The following KLHL29 variants were observed in gnomAD, a reference collection of about 807,000 sequenced individuals.
The protein encoded by KLHL29 is kelch like family member 29.
KLHL29 carries 21 observed loss-of-function variants against 80.4 expected under a neutral mutation model. The ratio of observed to expected loss-of-function variants is 0.26; its 90% CI spans 0.19 to 0.38. The LOEUF is 0.38. Among genes scored for constraint, KLHL29 ranks in the 10% least tolerant of loss-of-function variants. The probability of loss-of-function intolerance (pLI) is 1.00; values close to 1 mark genes in which losing one functional copy is unlikely to be tolerated. For synonymous variants in KLHL29, 511 were observed against 526.8 expected (o/e 0.97, Z 0.41); for missense variants, 867 against 1,223.9 (o/e 0.71, Z 4.35).
chr2:23,628,368 G>A (rs1030253414), intron 3 of KLHL29, among the ~76,000 whole-genome samples: 15 of 152,054 alleles, frequency 9.9e-5, no homozygotes, highest in East Asian at 1.9e-4. Flanking sequence ...CTGGGGAGGC[G>A]CTGGGAAGGC....
intron 1 of KLHL29, among the ~76,000 whole-genome samples, chr2:23,414,356 G>A (rs779142816): frequency 2.0e-5 from 3 of 152,246 alleles, no homozygotes; most frequent in Admixed American, 6.5e-5. Flanking sequence ...GTGTTTGTGC[G>A]GCGGGGTGGG....
At chr2:23,466,163 C>T (rs777972819) in intron 1 of KLHL29, among the ~76,000 whole-genome samples, 4 of 152,092 alleles carry the variant, frequency 2.6e-5, no homozygotes, top group African/African-American at 4.8e-5. Context: ...CATTTCCGTC[C>T]GCTGGGGTAA....
intron 3 of KLHL29, among the ~76,000 whole-genome samples, chr2:23,605,491 GC>G (rs748276394): frequency 6.6e-6 from 1 of 152,068 alleles, no homozygotes; most frequent in Non-Finnish European, 1.5e-5. Flanking sequence ...ACAGAACACA[GC>G]CCCCGGCGCC....
At chr2:23,482,333 G>A (rs1254336324) in intron 2 of KLHL29, among the ~76,000 whole-genome samples, 3 of 152,190 alleles carry the variant, frequency 2.0e-5, no homozygotes, top group Admixed American at 2.0e-4. Context: ...TAAGAGGCCT[G>A]TCTCCTTGCT....
chr2:23,696,472 C>A lies in KLHL29; in HGVS notation c.2064C>A (p.Leu688=). ...SLVYDGKIYT[L]GGLGVAGNVD... is the part of the protein sequence containing the mutation. ...TCTACGATGGGAAGATTTACACCCT[C>A]GGGGGACTTGGCGTGGCAGGCAACG... The change falls in exon 11 of 14, where the codon CTC becomes CTA. Residue 688 remains leucine (L), a synonymous_variant. Transcript: ENST00000486442. This position sits in a 1 kb window ranked among gnomAD's most constrained non-coding sequence, Gnocchi z 5.5. 6.5e-7 allele frequency: 1 copy of A among 1,546,792 alleles called. No homozygotes were observed. Among genetic ancestry groups the A allele is most frequent in the Non-Finnish European group, 8.7e-7 (1 of 1,144,742 alleles).
At chr2:23,631,033 T>G (rs1311349297) in intron 3 of KLHL29, among the ~76,000 whole-genome samples, 1 of 152,138 alleles carries the variant, frequency 6.6e-6, no homozygotes. Context: ...CCACTTAAAG[T>G]ATTTACAGAT....
chr2:23,637,617 G>A (rs568754898), intron 3 of KLHL29, among the ~76,000 whole-genome samples: 3 of 152,290 alleles, frequency 2.0e-5, no homozygotes, highest in South Asian at 2.1e-4. Context: ...TACGGCTCCC[G>A]TTCCTCCAGC....
At chr2:23,549,137 T>A (rs1632574) in intron 2 of KLHL29, among the ~76,000 whole-genome samples, 126,684 of 152,206 alleles carry the variant, frequency 0.83, 53,009 homozygotes, top group African/African-American at 0.9. Context: ...ACCCTTGCTC[T>A]GAGTCAGGCA....
At chr2:23,577,268 G>T (rs988108900) in intron 3 of KLHL29, among the ~76,000 whole-genome samples, 1 of 152,176 alleles carries the variant, frequency 6.6e-6, no homozygotes, top group Admixed American at 6.5e-5. Context: ...TGGCCAACAT[G>T]GTGAAACCCC....
At position 23,680,595 on chromosome 2, in the gene KLHL29, C is replaced by G. The variant is rs558225292; in HGVS notation, c.941-3804C>G. Among the ~76,000 whole-genome samples the G allele has an allele frequency of 9.2e-5, 14 of 151,754 alleles. No individual in the cohort carries two copies. In the East Asian group the frequency reaches 2.7e-3, roughly 29 times the overall value. ...CAGGACTCCACTCGCCAGACCCCAC[C>G]GAGCCTCCATGCAGGGAGGGTCATG... On this transcript the variant is annotated intron_variant, in intron 5 of 13. Coordinates refer to ENST00000486442, the MANE Select transcript of KLHL29 (RefSeq NM_052920.2). The surrounding 1 kb of genome is among the most constrained non-coding windows in gnomAD (Gnocchi z 4.1).
intron 2 of KLHL29, among the ~76,000 whole-genome samples, chr2:23,527,703 C>T (rs181755773): frequency 9.8e-5 from 15 of 152,332 alleles, no homozygotes; most frequent in African/African-American, 3.6e-4. Flanking sequence ...ACAACCTCGC[C>T]ACATGGGTTG....
At chr2:23,532,656 G>T (rs1252819960) in intron 2 of KLHL29, 1 of 456,684 alleles carries the variant, frequency 2.2e-6, no homozygotes, top group Middle Eastern at 3.3e-4. Flanking sequence ...AGGCCTGGGC[G>T]GTGGGGAGCT....
At chr2:23,557,742 G>A (rs1667335015) in intron 2 of KLHL29, among the ~76,000 whole-genome samples, 1 of 152,134 alleles carries the variant, frequency 6.6e-6, no homozygotes, top group African/African-American at 2.4e-5. Flanking sequence ...GCCGCCCTCA[G>A]TGCGTACCCT....
intron 2 of KLHL29, among the ~76,000 whole-genome samples, chr2:23,520,999 C>CT (rs373540154): frequency 2.0e-5 from 3 of 147,834 alleles, no homozygotes; most frequent in Admixed American, 6.6e-5. Context: ...ACCACCCCCC[C>CT]CCCCGCTCCC....
rs1670084799 is a variant in KLHL29 at position 23,651,448 on chromosome 2, A to G, written c.940+8598A>G. Among the ~76,000 whole-genome samples the G allele has an allele frequency of 1.3e-5, 2 of 152,030 alleles. 1 individual carries two copies. Among genetic ancestry groups the G allele is most frequent in the African/African-American group, 4.8e-5 (2 of 41,398 alleles). On this transcript the variant is annotated intron_variant, in intron 5 of 13. Coordinates refer to ENST00000486442, the MANE Select transcript of KLHL29 (RefSeq NM_052920.2). Reference sequence around the variant, plus strand: ...TAATGCCTCAGACCAAGGTCTACACACAATGCCGGTGTGTATTCGTTTTTC... The same window carrying G: ...TAATGCCTCAGACCAAGGTCTACACGCAATGCCGGTGTGTATTCGTTTTTC...
chr2:23,460,475 G>C (rs531259239), intron 1 of KLHL29, among the ~76,000 whole-genome samples: 54 of 152,234 alleles, frequency 3.5e-4, no homozygotes, highest in Admixed American at 3.5e-3. Context: ...ATGCTGCTAA[G>C]CATCTTAAAA....
At chr2:23,517,053 G>A (rs1313658494) in intron 2 of KLHL29, among the ~76,000 whole-genome samples, 1 of 152,244 alleles carries the variant, frequency 6.6e-6, no homozygotes, top group African/African-American at 2.4e-5. Context: ...TTTGTCAGCT[G>A]CTTCGTGGTG....
chr2:23,691,551 C>G (rs535579173), intron 6 of KLHL29, 123 bp from the exon 7 acceptor site: 56 of 722,900 alleles, frequency 7.7e-5, no homozygotes, highest in Admixed American at 7.4e-4. Flanking sequence ...TGTGTCATTG[C>G]CGTGTCCTTT....
In KLHL29 at chr2:23,696,403, C is replaced by G; in HGVS notation, c.1995C>G (p.Leu665=). The change falls in exon 11 of 14, where the codon CTC becomes CTG. Residue 665 remains leucine (L), a synonymous_variant. Transcript: ENST00000486442. The surrounding 1 kb of genome is among the most constrained non-coding windows in gnomAD (Gnocchi z 5.5). ...TGTCCCTGCTTGATAACTGGAACCT[C>G]GTCTCCAGAATGACAGTCCCCCGCT... The part of the protein sequence containing the change: ...CYMSLLDNWN[L]VSRMTVPRCR... 6.4e-7 allele frequency: 1 copy of G among 1,551,446 alleles called. No individual in the cohort carries two copies. The highest frequency in any genetic ancestry group is 1.4e-5 in the African/African-American group (1 of 73,146).
Sources: allele counts gnomAD v4.1 joint callset (sites outside exome capture counted in the v4.1 genomes callset), GRCh38; gene constraint gnomAD v4.1.1; non-coding constraint Gnocchi (gnomAD v3.1); transcripts MANE v1.5; gene names NCBI Gene and HGNC (gene_info 2026-07-23, HGNC 2026-07-21).